The following MCM8 variants were observed in gnomAD, a reference collection of about 807,000 sequenced individuals.
MCM8 encodes minichromosome maintenance 8 homologous recombination repair factor.
MCM8 carries 85 observed loss-of-function variants against 98.9 expected under a neutral mutation model. The observed-to-expected ratio is 0.86, with a 90% CI of 0.72 to 1.03. The LOEUF is 1.03. MCM8 is among the 50% of genes least tolerant of loss of function. The pLI is 0.00. For synonymous variants in MCM8, 352 were observed against 338.6 expected (o/e 1.04, Z -0.44); for missense variants, 951 against 997.8 (o/e 0.95, Z 0.63).
chr20:5,967,419 CTATT>C lies in MCM8; in HGVS notation c.876-14_876-11del. 1 of 1,609,412 alleles carries C rather than the reference CTATT, an allele frequency of 6.2e-7. No individual in the cohort carries two copies. Among genetic ancestry groups the C allele is most frequent in the Non-Finnish European group, 8.5e-7 (1 of 1,176,538 alleles). On this transcript the variant is annotated splice_polypyrimidine_tract_variant and intron_variant, in intron 8 of 18. Transcript: ENST00000610722. ...CCAAAGTAAGTATTCTAACTGAAAA[CTATT>C]TAAACTTTTTAGAATCCAGGAATTG...
intron 17 of MCM8, among the ~76,000 whole-genome samples, chr20:5,988,394 G>A (rs928758453): frequency 2.0e-5 from 3 of 151,990 alleles, no homozygotes; most frequent in Admixed American, 6.6e-5. Context: ...CCTGGGAGGT[G>A]GAGGTTGCAG....
rs765478439 is a variant in MCM8 at position 5,958,731 on chromosome 20, T to TA, written c.789+6dup. On this transcript the variant is annotated splice_donor_region_variant and intron_variant, in intron 7 of 18. Coordinates refer to ENST00000610722, the MANE Select transcript of MCM8 (RefSeq NM_032485.6). ...AAATACAGTCTTCCCACAAAGGTAA[T>TA]ACGTTCTTTAACTGCTTCTTTATTT... The TA allele has an allele frequency of 4.7e-5, 75 of 1,612,856 alleles. No individual in the cohort carries two copies. Among genetic ancestry groups the TA allele is most frequent in the Non-Finnish European group, 5.4e-5 (64 of 1,179,300 alleles).
intron 7 of MCM8, among the ~76,000 whole-genome samples, chr20:5,962,407 G>T (rs531843640): frequency 1.9e-5 from 1 of 52,184 alleles, no homozygotes; most frequent in Non-Finnish European, 2.5e-5. Context: ...TCGCTCTGTC[G>T]CCCAGGCCGG....
At chr20:5,991,047 C>T (rs1256061018) in intron 17 of MCM8, 1 of 152,174 alleles carries the variant, frequency 6.6e-6, no homozygotes, top group Non-Finnish European at 1.5e-5. Flanking sequence ...GGTACACTAC[C>T]CTGCTCCTTT....
intron 16 of MCM8, among the ~76,000 whole-genome samples, chr20:5,986,832 G>A (rs1479937715): frequency 1.3e-5 from 2 of 151,740 alleles, no homozygotes; most frequent in Admixed American, 6.6e-5. Context: ...GATTTTTTTT[G>A]TTTGTTTGCC....
intron 17 of MCM8, among the ~76,000 whole-genome samples, chr20:5,989,489 A>G (rs16991630): frequency 0.078 from 11,899 of 152,200 alleles, 602 homozygotes; most frequent in East Asian, 0.24. Flanking sequence ...ACCATAAACC[A>G]AAGGCCTCAA....
Position 5,996,857 on chromosome 20 carries a change from T to G in MCM8, c.*2466T>G, listed in dbSNP as rs1475063722. 6.6e-6 allele frequency: 1 copy of G among 152,252 alleles called. No individual in the cohort carries two copies. The highest frequency in any genetic ancestry group is 2.4e-5 in the African/African-American group (1 of 41,462). The allele number at this position is 152,252 out of a possible 1,614,324, so 9.4% of individuals were successfully genotyped here. A position where few individuals can be genotyped will look rare whatever the true frequency, so the allele number is the denominator to read the frequency against. On this transcript the variant is annotated 3_prime_UTR_variant, in exon 19 of 19. Transcript: ENST00000610722. The stretch of plus-strand genomic sequence containing the variant: ...TTTTATGGGTGTGCAAACATCACAT[T>G]ACAGTCCCTCCAACCACAAACCCCA...
chr20:5,973,946 C>T (rs919915509), intron 12 of MCM8, among the ~76,000 whole-genome samples: 5 of 152,012 alleles, frequency 3.3e-5, no homozygotes, highest in South Asian at 2.1e-4. Flanking sequence ...TGAGCCACCA[C>T]GCTCTGTCCA....
Position 5,996,295 on chromosome 20 carries a change from G to T in MCM8, c.*1904G>T. Reference sequence around the variant, plus strand: ...TCTCTTAAAGAAAAAAAAAAAAAATGGAGAAAGTAGATAGTAGTATAAATA... The same window carrying T: ...TCTCTTAAAGAAAAAAAAAAAAAATTGAGAAAGTAGATAGTAGTATAAATA... On this transcript the variant is annotated 3_prime_UTR_variant, in exon 19 of 19. Transcript: ENST00000610722. 7.4e-6 allele frequency: 1 copy of T among 134,930 alleles called. No homozygotes were observed. Among genetic ancestry groups the T allele is most frequent in the South Asian group, 2.3e-4 (1 of 4,330 alleles). 8.4% of individuals were successfully genotyped at this position (134,930 alleles called of 1,614,324 possible). A position where few individuals can be genotyped will look rare whatever the true frequency, so the allele number is the denominator to read the frequency against.
rs527632810 is a variant in MCM8, at chr20:5,980,593, T to A, written c.1538-2377T>A. On this transcript the variant is annotated intron_variant, in intron 13 of 18. Transcript: ENST00000610722. Reference sequence around the variant, plus strand: ...CATTAACTAGAAGTAGAAGGTGATTTGGAGGTTTTTTAAAAAAATTTTAAT... The same window carrying A: ...CATTAACTAGAAGTAGAAGGTGATTAGGAGGTTTTTTAAAAAAATTTTAAT... Among the ~76,000 whole-genome samples the A allele has an allele frequency of 5.9e-4, 90 of 152,258 alleles. No homozygotes were observed. In the South Asian group the frequency reaches 0.018, roughly 31 times the overall value.
Position 5,994,919 on chromosome 20 carries a change from TAAAA to T in MCM8, c.*533_*536del, listed in dbSNP as rs1025759407. The T allele has an allele frequency of 3.0e-5, 5 of 168,178 alleles. No individual in the cohort carries two copies. Among genetic ancestry groups the T allele is most frequent in the Admixed American group, 6.1e-5 (1 of 16,496 alleles). 10.4% of individuals were successfully genotyped at this position (168,178 alleles called of 1,614,324 possible). On this transcript the variant is annotated 3_prime_UTR_variant, in exon 19 of 19. Transcript: ENST00000610722. ...TAAAGTAACTCTTGACTCAAAAAAA[TAAAA>T]AAAATTGTAGTGGTAGCCATGTGTT... is the stretch of plus-strand genomic sequence containing the variant.
intron 18 of MCM8, 164 bp downstream of exon 18, chr20:5,993,859 CTA>C (rs2089903372): frequency 3.8e-6 from 2 of 532,398 alleles, no homozygotes. Flanking sequence ...AAGACAGTCT[CTA>C]TGTTTTTCTG....
At position 5,995,434 on chromosome 20, in the gene MCM8, A is replaced by G. The variant is rs1478001856; in HGVS notation, c.*1043A>G. The stretch of plus-strand genomic sequence containing the variant: ...GAAGCTGCTGACACTCCACTGCCAC[A>G]CAGGGCACTGGAAGAAAGTGCTGCT... On this transcript the variant is annotated 3_prime_UTR_variant, in exon 19 of 19. Coordinates refer to ENST00000610722, the MANE Select transcript of MCM8 (RefSeq NM_032485.6). 2 of 152,280 alleles carry G rather than the reference A, an allele frequency of 1.3e-5. No homozygotes were observed. The highest frequency in any genetic ancestry group is 4.8e-5 in the African/African-American group (2 of 41,450). 9.4% of individuals were successfully genotyped at this position (152,280 alleles called of 1,614,324 possible).
In MCM8 at chr20:5,950,746, A is replaced by T. The variant is rs1354780654; in HGVS notation, c.-283A>T. 3 of 205,072 alleles carry T rather than the reference A, an allele frequency of 1.5e-5. No homozygotes were observed. The highest frequency in any genetic ancestry group is 2.0e-4 in the South Asian group (2 of 9,888). The allele number at this position is 205,072 out of a possible 1,614,324, so 12.7% of individuals were successfully genotyped here. A position where few individuals can be genotyped will look rare whatever the true frequency, so the allele number is the denominator to read the frequency against. ...GCATTTTTGCGGCGCTGTGCGCTAC[A>T]GACACCTTCTGGAAGCTGCGGTGGG... On this transcript the variant is annotated 5_prime_UTR_variant, in exon 1 of 19. Coordinates refer to ENST00000610722, the MANE Select transcript of MCM8 (RefSeq NM_032485.6).
intron 4 of MCM8, 33 bp downstream of exon 4, chr20:5,954,723 T>C: frequency 7.9e-7 from 1 of 1,263,980 alleles, no homozygotes. Context: ...CTACCAGTCA[T>C]GTGCCATCTT....
intron 7 of MCM8, among the ~76,000 whole-genome samples, chr20:5,961,838 A>G (rs560618031): frequency 6.6e-6 from 1 of 152,088 alleles, no homozygotes; most frequent in East Asian, 1.9e-4. Context: ...GAGGTCCTCC[A>G]TTTGTCTGAA....
chr20:5,984,628 C>T (rs564240350), intron 14 of MCM8, among the ~76,000 whole-genome samples, 153 bp from the exon 15 acceptor site: 110 of 152,284 alleles, frequency 7.2e-4, no homozygotes, highest in Non-Finnish European at 1.0e-3. Context: ...TTGGATATAT[C>T]GAATCCAAGA....
At chr20:5,969,154 A>G (rs1362896480) in intron 10 of MCM8, among the ~76,000 whole-genome samples, 1 of 152,232 alleles carries the variant, frequency 6.6e-6, no homozygotes, top group Non-Finnish European at 1.5e-5. Flanking sequence ...TAACATAACT[A>G]CTGCAACATA....
intron 17 of MCM8, among the ~76,000 whole-genome samples, chr20:5,990,630 T>C (rs923677744): frequency 1.3e-5 from 2 of 152,194 alleles, no homozygotes; most frequent in African/African-American, 4.8e-5. Flanking sequence ...CAAAATCTAG[T>C]TGTCTGCCTG....
Sources: gnomAD v4.1 joint callset for allele counts (sites outside exome capture counted in the v4.1 genomes callset) on GRCh38, gnomAD v4.1.1 for gene constraint, MANE v1.5 for transcripts, NCBI Gene and HGNC (gene_info 2026-07-23, HGNC 2026-07-21) for gene names.